The following ZNF385D variants were observed in gnomAD, a reference collection of about 807,000 sequenced individuals.
ZNF385D encodes the protein zinc finger protein 385D.
Under a neutral mutation model 35.8 loss-of-function variants are expected in ZNF385D, and 15 were observed. The ratio of observed to expected loss-of-function variants is 0.42; its 90% confidence interval spans 0.28 to 0.64. The LOEUF is 0.64. Ranked by LOEUF, ZNF385D falls within the 30% of genes least tolerant of loss-of-function variation. ZNF385D has a pLI of 0.23. For missense variants in ZNF385D, 474 were observed against 494.6 expected, an observed-to-expected ratio of 0.96 and a Z score of 0.39; for synonymous variants, 212 against 186.8, an observed-to-expected ratio of 1.13 and a Z score of -1.10.
At chr3:21,971,043 A>G (rs1703222289) in intron 3 of ZNF385D, among the ~76,000 whole-genome samples, 1 of 152,120 alleles carries the variant, frequency 6.6e-6, no homozygotes, top group African/African-American at 2.4e-5. Context: ...TCAACACGAG[A>G]CCTGTCCTAC....
At chr3:22,368,874 AAGT>A (rs1399659523) in intron 2 of ZNF385D, among the ~76,000 whole-genome samples, 1 of 152,198 alleles carries the variant, frequency 6.6e-6, no homozygotes, top group Non-Finnish European at 1.5e-5. Context: ...GGCTCTAAAA[AAGT>A]AGAAGTAAAT....
chr3:22,072,721 A>G (rs1033557598), intron 3 of ZNF385D, among the ~76,000 whole-genome samples: 2 of 151,912 alleles, frequency 1.3e-5, no homozygotes, highest in Non-Finnish European at 2.9e-5. Flanking sequence ...GAAGGACACG[A>G]GTAAAGTCAG....
chr3:21,420,805 T>G lies in ZNF385D; in HGVS notation c.*409A>C, dbSNP rs979155253. 6.3e-6 allele frequency: 1 copy of G among 158,162 alleles called. No homozygotes were observed. The highest frequency in any genetic ancestry group is 2.4e-5 in the African/African-American group (1 of 41,558). 9.8% of individuals were successfully genotyped at this position (158,162 alleles called of 1,614,324 possible). ...TTTTTTTCCTTTTTTTTTGTACGAT[T>G]TTAATCTACAGAGTAAATTATTTTA... On this transcript the variant is annotated 3_prime_UTR_variant, in exon 8 of 8. Coordinates refer to ENST00000281523, the MANE Select transcript of ZNF385D (RefSeq NM_024697.3).
In ZNF385D at chr3:22,036,227, C is replaced by G. The variant is rs372566211; in HGVS notation, c.325+132590G>C. ...GGGGGTGAAGGTACTCAATTCTTCT[C>G]AGAGGTAAACAACAGGGAAGAATAC... On this transcript the variant is annotated intron_variant, in intron 3 of 5. Transcript: ENST00000494108. Among the ~76,000 whole-genome samples the G allele has an allele frequency of 2.2e-4, 34 of 152,246 alleles. No individual in the cohort carries two copies. The East Asian group carries it at 6.2e-3, about 28-fold the overall frequency.
At chr3:22,081,750 T>C (rs1470968481) in intron 3 of ZNF385D, among the ~76,000 whole-genome samples, 3 of 152,174 alleles carry the variant, frequency 2.0e-5, no homozygotes, top group African/African-American at 7.2e-5. Context: ...AAAGACTCTA[T>C]TGCCCCAAAA....
chr3:21,930,033 A>T (rs1376764902), intron 3 of ZNF385D, among the ~76,000 whole-genome samples: 1 of 152,094 alleles, frequency 6.6e-6, no homozygotes, highest in East Asian at 1.9e-4. Flanking sequence ...ACACTTCTCA[A>T]TTTCAAAACT....
intron 3 of ZNF385D, among the ~76,000 whole-genome samples, chr3:21,999,132 G>A (rs902808560): frequency 2.0e-5 from 3 of 152,086 alleles, no homozygotes; most frequent in Non-Finnish European, 4.4e-5. Flanking sequence ...ACATCAGTCA[G>A]GTTCACAGAA....
At chr3:22,138,888 C>A (rs1014178862) in intron 3 of ZNF385D, among the ~76,000 whole-genome samples, 14 of 151,970 alleles carry the variant, frequency 9.2e-5, no homozygotes, top group South Asian at 2.1e-4. Flanking sequence ...GCAACCTACA[C>A]AATGGGAGAA....
intron 2 of ZNF385D, among the ~76,000 whole-genome samples, chr3:22,257,016 CAG>C (rs1382756039): frequency 4.0e-5 from 6 of 151,672 alleles, no homozygotes; most frequent in Non-Finnish European, 8.8e-5. Context: ...ACATGTCAGT[CAG>C]AAGAAGGAAG....
chr3:21,451,625 A>G (rs2125280978), intron 4 of ZNF385D, among the ~76,000 whole-genome samples: 1 of 152,232 alleles, frequency 6.6e-6, no homozygotes, highest in Admixed American at 6.5e-5. Context: ...AAAGGCAAAC[A>G]TAAATAATTA....
intron 3 of ZNF385D, among the ~76,000 whole-genome samples, chr3:21,998,133 A>G (rs538463362): frequency 2.0e-5 from 3 of 152,224 alleles, no homozygotes; most frequent in African/African-American, 7.2e-5. Flanking sequence ...GTTACCTTAT[A>G]TGGTTCCAGG....
At chr3:21,425,330 T>C (rs533188346) in intron 6 of ZNF385D, among the ~76,000 whole-genome samples, 162 bp downstream of exon 6, 187 of 152,072 alleles carry the variant, frequency 1.2e-3, no homozygotes, top group African/African-American at 4.4e-3. Flanking sequence ...ATCAGAACAG[T>C]GAAAGGAAGA....
At chr3:21,986,739 C>T (rs867831635) in intron 3 of ZNF385D, among the ~76,000 whole-genome samples, 2,429 of 119,950 alleles carry the variant, frequency 0.02, 106 homozygotes, top group African/African-American at 0.1. Flanking sequence ...CTTTCTGTCT[C>T]GTTGATCTGT....
At chr3:22,236,349 T>C (rs1699183648) in intron 2 of ZNF385D, among the ~76,000 whole-genome samples, 1 of 152,128 alleles carries the variant, frequency 6.6e-6, no homozygotes, top group African/African-American at 2.4e-5. Flanking sequence ...TATTTATTTA[T>C]TAGATGGAGT....
chr3:21,652,606 C>T (rs1575401510), intron 2 of ZNF385D, among the ~76,000 whole-genome samples: 1 of 151,546 alleles, frequency 6.6e-6, no homozygotes, highest in Non-Finnish European at 1.5e-5. Flanking sequence ...GTATATCTCC[C>T]AATGCTATCC....
chr3:21,849,600 CA>C (rs1157794469), intron 3 of ZNF385D: 4 of 130,206 alleles, frequency 3.1e-5, no homozygotes, highest in South Asian at 2.5e-4. Flanking sequence ...ATGTGAAACC[CA>C]TTTCTTTTTT....
At chr3:22,334,247 G>C (rs1559526153) in intron 2 of ZNF385D, among the ~76,000 whole-genome samples, 2 of 151,694 alleles carry the variant, frequency 1.3e-5, no homozygotes, top group Admixed American at 6.6e-5. Context: ...TTTTTGAATT[G>C]CTTCTTTTTA....
rs549841144 is a variant in ZNF385D, at chr3:21,847,513, C to T, written c.326-182485G>A. Among the ~76,000 whole-genome samples, 56 of 152,086 alleles carry T rather than the reference C, an allele frequency of 3.7e-4. 1 individual carries two copies. Among genetic ancestry groups the T allele is most frequent in the Non-Finnish European group, 8.1e-4 (55 of 67,976 alleles). On this transcript the variant is annotated intron_variant, in intron 3 of 5. Coordinates refer to the ZNF385D transcript ENST00000494108. The stretch of plus-strand genomic sequence containing the variant: ...TTTATGCTGATTAGGATCTTCTTAA[C>T]CTCTTGACAAATTTTAGATTACTAA...
rs7653605 is a variant in ZNF385D, at chr3:21,831,638, T to C, written c.326-166610A>G. 2.6e-3 allele frequency among the ~76,000 whole-genome samples: 399 copies of C among 152,290 alleles called. 1 individual carries two copies. Among genetic ancestry groups the C allele is most frequent in the African/African-American group, 9.0e-3 (375 of 41,558 alleles). On this transcript the variant is annotated intron_variant, in intron 3 of 5. Coordinates refer to the ZNF385D transcript ENST00000494108. ...CCCCTACTACATCCATGAACTCAAC[T>C]TGTAGAAGCATAGATAATTGGAACC... is the stretch of plus-strand genomic sequence containing the variant.
Sources: allele counts gnomAD v4.1 joint callset (sites outside exome capture counted in the v4.1 genomes callset), GRCh38; gene constraint gnomAD v4.1.1; transcripts MANE v1.5; gene names NCBI Gene and HGNC (gene_info 2026-07-23, HGNC 2026-07-21).